The following ADAR variants were observed in gnomAD, a reference collection of about 807,000 sequenced individuals.
The protein encoded by ADAR is adenosine deaminase RNA specific.
Under a neutral mutation model 113.2 loss-of-function variants are expected in ADAR, and 41 were observed. The observed-to-expected ratio is 0.36, with a 90% CI of 0.28 to 0.47. The LOEUF is 0.47. ADAR is among the 20% of genes least tolerant of loss of function. ADAR has a pLI of 1.00. For missense variants in ADAR, 1,242 were observed against 1,540.9 expected, an observed-to-expected ratio of 0.81 and a Z score of 3.25; for synonymous variants, 605 against 572.6, an observed-to-expected ratio of 1.06 and a Z score of -0.81.
At position 154,582,475 on chromosome 1, in the gene ADAR, A is replaced by AGGGGCATAGGGGCATG. The variant is rs1553206137; in HGVS notation, c.*2330_*2331insCATGCCCCTATGCCCC. 6.6e-6 allele frequency: 1 copy of AGGGGCATAGGGGCATG among 151,640 alleles called. No individual in the cohort carries two copies. Among genetic ancestry groups the AGGGGCATAGGGGCATG allele is most frequent in the South Asian group, 2.1e-4 (1 of 4,784 alleles). The allele number at this position is 151,640 out of a possible 1,614,324, so 9.4% of individuals were successfully genotyped here. A position where few individuals can be genotyped will look rare whatever the true frequency, so the allele number is the denominator to read the frequency against. ...GCCTCCTCTGTCCTGTGTGACTCAG[A>AGGGGCATAGGGGCATG]GGGGCATGGGGGCGCAGGGATGTGC... On this transcript the variant is annotated 3_prime_UTR_variant, in exon 15 of 15. Coordinates refer to ENST00000368474, the MANE Select transcript of ADAR (RefSeq NM_001111.5).
At chr1:154,608,369 C>T (rs1288042412), upstream of ADAR, among the ~76,000 whole-genome samples, 2 of 150,578 alleles carry the variant, frequency 1.3e-5, no homozygotes, top group Non-Finnish European at 3.0e-5. Context: ...GCTCTTTTTG[C>T]CCAGGCTGGA....
chr1:154,604,552 T>C (rs1384878139), intron 1 of ADAR, among the ~76,000 whole-genome samples: 1 of 152,232 alleles, frequency 6.6e-6, no homozygotes. Flanking sequence ...CGCTGTGTGG[T>C]GGTCAATTGT....
intron 4 of ADAR, 67 bp downstream of exon 4, chr1:154,597,761 G>C (rs548498159): frequency 3.1e-6 from 5 of 1,604,336 alleles, no homozygotes; most frequent in Admixed American, 1.7e-5. Flanking sequence ...GAGGAGGCAA[G>C]GAAGAAAATG....
chr1:154,609,721 G>GC (rs1698419398), upstream of ADAR, among the ~76,000 whole-genome samples: 1 of 152,164 alleles, frequency 6.6e-6, no homozygotes, highest in Non-Finnish European at 1.5e-5. Flanking sequence ...CGCTAAAAAC[G>GC]CCCCATTCGA....
Position 154,601,175 on chromosome 1 carries a change from C to G in ADAR, c.1467G>C (p.Arg489=). 4.3e-6 allele frequency: 7 copies of G among 1,614,224 alleles called. No individual in the cohort carries two copies. The highest frequency in any genetic ancestry group is 5.9e-6 in the Non-Finnish European group (7 of 1,180,036). ...CTGTCAGTTTCTTGTAGGGTGAACA[C>G]CGTGGCAAGCCATGACTGTAGAAGG... ...MPSFYSHGLP[R]CSPYKKLTEC... Residue 489 remains arginine, a synonymous_variant, in exon 2 of 15, where the codon CGG becomes CGC. Transcript: ENST00000368474. This position sits in a 1 kb window ranked among gnomAD's most constrained non-coding sequence, Gnocchi z 4.7.
intron 13 of ADAR, 144 bp downstream of exon 13, chr1:154,585,609 G>A (rs1696707366): frequency 1.1e-6 from 1 of 881,088 alleles, no homozygotes; most frequent in African/African-American, 1.7e-5. Context: ...CAATGTTGGT[G>A]GTGGGCCACT....
At chr1:154,622,498 TTAAA>T (rs977390634) in intron 1 of ADAR, among the ~76,000 whole-genome samples, 7 of 152,332 alleles carry the variant, frequency 4.6e-5, no homozygotes, top group African/African-American at 1.7e-4. Flanking sequence ...TTGTAAGTGC[TTAAA>T]TAAATGTTTT....
At position 154,613,481 on chromosome 1, in the gene ADAR, C is replaced by T. The variant is rs1698547588; in HGVS notation, c.-870-10855G>A. 1.3e-5 allele frequency among the ~76,000 whole-genome samples: 2 copies of T among 151,666 alleles called. 1 individual carries two copies. Among genetic ancestry groups the T allele is most frequent in the South Asian group, 4.2e-4 (2 of 4,812 alleles). The stretch of plus-strand genomic sequence containing the variant: ...TATATTTTTAGTAGAGGTGGGGTCT[C>T]ACCATGTTGGCCAGGCTGGTCGCAA... On this transcript the variant is annotated intron_variant, in intron 1 of 14. Transcript: ENST00000368471.
chr1:154,606,359 A>G (rs900753186), intron 1 of ADAR, among the ~76,000 whole-genome samples: 1 of 152,182 alleles, frequency 6.6e-6, no homozygotes, highest in East Asian at 1.9e-4. Flanking sequence ...AAAATGTGTC[A>G]TATCTATTTG....
At position 154,585,835 on chromosome 1, in the gene ADAR, C is replaced by G; in HGVS notation, c.3233G>C (p.Arg1078Pro). 6.2e-7 allele frequency: 1 copy of G among 1,614,050 alleles called. No individual in the cohort carries two copies. The highest frequency in any genetic ancestry group is 8.5e-7 in the Non-Finnish European group (1 of 1,179,954). Residue 1078 changes from arginine to proline, a missense_variant, in exon 13 of 15, where the codon CGT becomes CCT. By Grantham distance (103) the Arg-to-Pro change is moderately radical. Around this residue, in one of 2 missense-constraint regions of ADAR, gnomAD observed 780 missense variants for 1,057.9 expected, o/e 0.74. Coordinates refer to ENST00000368474, the MANE Select transcript of ADAR (RefSeq NM_001111.5). ...TCTTGTCACACGACAGCAAATAGCA[C>G]GGGTCAGATGCCCTTGGCTGAAAAG... ...GYLFSQGHLTRAICCRVTRDG... is the reference protein window; with the variant it reads ...GYLFSQGHLTPAICCRVTRDG...
chr1:154,586,009 G>T, intron 12 of ADAR, 144 bp from the exon 13 acceptor site: 1 of 1,155,600 alleles, frequency 8.7e-7, no homozygotes, highest in Non-Finnish European at 1.3e-6. Context: ...CCTTCTGACT[G>T]GGGCTACCAG....
rs1187683099 is a variant in ADAR, at chr1:154,588,225, G to A, written c.2919C>T (p.Asp973=). Residue 973 remains aspartate (D), a synonymous_variant, in exon 11 of 15, where the codon GAC becomes GAT. Coordinates refer to ENST00000368474, the MANE Select transcript of ADAR (RefSeq NM_001111.5). ...CCATAGCACGGTCGCTGCAGGACTT[G>A]TCAAAGAGGGCGCCATCTCCACACG... ...TAPCGDGALF[D]KSCSDRAMES... The A allele has an allele frequency of 1.9e-6, 3 of 1,614,118 alleles. No individual in the cohort carries two copies. The highest frequency in any genetic ancestry group is 1.7e-6 in the Non-Finnish European group (2 of 1,180,030).
At chr1:154,617,357 G>C (rs190981678) in intron 1 of ADAR, among the ~76,000 whole-genome samples, 1 of 152,206 alleles carries the variant, frequency 6.6e-6, no homozygotes, top group African/African-American at 2.4e-5. Flanking sequence ...TTTGATGCCA[G>C]AGTCTAGATT....
At chr1:154,614,521 C>G (rs1417451894) in intron 1 of ADAR, among the ~76,000 whole-genome samples, 1 of 152,262 alleles carries the variant, frequency 6.6e-6, no homozygotes, top group Non-Finnish European at 1.5e-5. Flanking sequence ...ACAGTCCTGT[C>G]CTGGGCAGGC....
At chr1:154,622,928 T>C (rs1282342764) in intron 1 of ADAR, among the ~76,000 whole-genome samples, 1 of 152,140 alleles carries the variant, frequency 6.6e-6, no homozygotes, top group Non-Finnish European at 1.5e-5. Context: ...TCCACATTGT[T>C]CTCATGAAGC....
At chr1:154,594,829 CAAG>C in intron 6 of ADAR, among the ~76,000 whole-genome samples, 1 of 152,252 alleles carries the variant, frequency 6.6e-6, no homozygotes, top group Non-Finnish European at 1.5e-5. Context: ...TGCAGCTATG[CAAG>C]AAGTCTGGTA....
At chr1:154,608,258 T>G, upstream of ADAR, 1 of 506,250 alleles carries the variant, frequency 2.0e-6, no homozygotes, top group South Asian at 2.7e-5. Context: ...CTTGAGCAAA[T>G]CTTGCGCCAC....
At position 154,601,947 on chromosome 1, in the gene ADAR, C is replaced by T. The variant is rs1458064091; in HGVS notation, c.695G>A (p.Arg232Lys). ...ATCTTCTGAGACAGATGTGGAGTTT[C>T]TGTCTTCCGGTTCCAAACTCGGGTC... ...NSDPSLEPED[R>K]NSTSVSEDLL... is the part of the protein sequence containing the mutation. The change falls in exon 2 of 15, where the codon AGA (arginine) becomes AAA (lysine). Residue 232 changes from arginine to lysine, a missense_variant. Transcript: ENST00000368474. The surrounding 1 kb of genome is among the most constrained non-coding windows in gnomAD (Gnocchi z 4.7). 2 of 1,613,984 alleles carry T rather than the reference C, an allele frequency of 1.2e-6. No homozygotes were observed. The highest frequency in any genetic ancestry group is 2.7e-5 in the African/African-American group (2 of 74,890).
intron 1 of ADAR, among the ~76,000 whole-genome samples, chr1:154,607,545 A>T (rs1698274934): frequency 6.6e-6 from 1 of 152,018 alleles, no homozygotes; most frequent in Non-Finnish European, 1.5e-5. Flanking sequence ...GGGTTCCACA[A>T]GGGGCCCTAG....
Sources: allele counts gnomAD v4.1 joint callset (sites outside exome capture counted in the v4.1 genomes callset), GRCh38; gene constraint gnomAD v4.1.1; regional missense constraint gnomAD v4.1.1; non-coding constraint Gnocchi (gnomAD v3.1); transcripts MANE v1.5; gene names NCBI Gene and HGNC (gene_info 2026-07-23, HGNC 2026-07-21).